Variants in ERAP1 observed in about 807,000 individuals in gnomAD.
The protein encoded by ERAP1 is adipocyte-derived leucine aminopeptidase.
Under a neutral mutation model 103.7 loss-of-function variants are expected in ERAP1, and 86 were observed. That is an observed-to-expected ratio of 0.83 (90% CI 0.70 to 0.99). The LOEUF (loss-of-function observed/expected upper bound fraction) is 0.99, where lower values mean the gene tolerates loss of function less well. ERAP1 is among the 50% of genes least tolerant of loss of function. ERAP1 has a pLI of 0.00. For missense variants in ERAP1, 1,009 were observed against 1,128.4 expected, an observed-to-expected ratio of 0.89 and a Z score of 1.52; for synonymous variants, 398 against 402.4, an observed-to-expected ratio of 0.99 and a Z score of 0.13.
chr5:96,877,650 C>A, the ERAP1 span, among the ~76,000 whole-genome samples: 3 of 152,178 alleles, frequency 2.0e-5, no homozygotes, highest in Non-Finnish European at 4.4e-5. Context: ...CCCATGATCA[C>A]GTAGGTGAGG....
chr5:96,887,824 G>A, the ERAP1 span, among the ~76,000 whole-genome samples: 4 of 152,140 alleles, frequency 2.6e-5, no homozygotes, highest in African/African-American at 9.7e-5. Context: ...ATAAAATAAT[G>A]CTTTTGAAAA....
the ERAP1 span, chr5:96,913,569 C>A: frequency 2.3e-6 from 3 of 1,278,378 alleles, no homozygotes; most frequent in Non-Finnish European, 3.3e-6. Context: ...CATTTGTATC[C>A]AAATAGTTCA....
At chr5:96,909,544 T>C in the ERAP1 span, 10 of 1,561,168 alleles carry the variant, frequency 6.4e-6, no homozygotes, top group Non-Finnish European at 8.8e-6. Context: ...AGGACTAAAT[T>C]TAGCCTCTCT....
chr5:96,928,422 G>T, the ERAP1 span, among the ~76,000 whole-genome samples: 1 of 152,280 alleles, frequency 6.6e-6, no homozygotes, highest in East Asian at 1.9e-4. Context: ...AATTCAATAT[G>T]ACTAGTGTCC....
At chr5:96,922,507 T>C in the ERAP1 span, among the ~76,000 whole-genome samples, 18 of 152,166 alleles carry the variant, frequency 1.2e-4, no homozygotes, top group Admixed American at 6.5e-5. Context: ...TATCTTCAGA[T>C]GTAGAGCCAA....
At chr5:96,763,225 T>A (rs1768630143) in exon 20 of ERAP1, 3 of 780,744 alleles carry the variant, frequency 3.8e-6, no homozygotes, top group Non-Finnish European at 7.2e-6. Flanking sequence ...AGCTTCAGGA[T>A]CATCTGAAAA....
chr5:96,899,283 G>C, the ERAP1 span, among the ~76,000 whole-genome samples: 43 of 152,248 alleles, frequency 2.8e-4, no homozygotes, highest in Admixed American at 2.3e-3. Flanking sequence ...CTAGTTTTAA[G>C]AAAAGTCCCC....
the ERAP1 span, among the ~76,000 whole-genome samples, chr5:96,850,548 C>T: frequency 6.6e-6 from 1 of 152,064 alleles, no homozygotes; most frequent in African/African-American, 2.4e-5. Flanking sequence ...AGTATTACAT[C>T]ACACCTGTTA....
chr5:96,934,304 G>A, the ERAP1 span: 2 of 152,242 alleles, frequency 1.3e-5, no homozygotes, highest in African/African-American at 2.4e-5. Context: ...TATTTTAGAT[G>A]TATGGTCAGA....
chr5:96,919,400 T>C, the ERAP1 span: 1 of 152,356 alleles, frequency 6.6e-6, no homozygotes, highest in Non-Finnish European at 1.5e-5. Flanking sequence ...GAATTACATG[T>C]ATTTTAGCAT....
At position 96,795,733 on chromosome 5, in the gene ERAP1, C is replaced by T. The variant is rs144351666; in HGVS notation, c.799-571G>A. Among the ~76,000 whole-genome samples, 6 of 152,338 alleles carry T rather than the reference C, an allele frequency of 3.9e-5. 1 individual carries two copies. The highest frequency in any genetic ancestry group is 3.9e-4 in the Admixed American group (6 of 15,306). ...CCCTGGACCAGTAAGTACTCCCAGA[C>T]ACTCTGTAAGAGCAAATACAATTTC... On this transcript the variant is annotated intron_variant, in intron 4 of 18. Coordinates refer to ENST00000443439, the MANE Select transcript of ERAP1 (RefSeq NM_001040458.3).
At chr5:96,774,015 C>T (rs1206035077), downstream of ERAP1, 2 of 152,318 alleles carry the variant, frequency 1.3e-5, no homozygotes, top group Admixed American at 6.5e-5. Context: ...TACACACCAC[C>T]AGCTTAAAAT....
chr5:96,901,459 G>A, the ERAP1 span: 1 of 1,588,108 alleles, frequency 6.3e-7, no homozygotes, highest in Non-Finnish European at 8.6e-7. Context: ...CTCTGTCTTT[G>A]GATTGTCTCC....
chr5:96,864,617 A>C, the ERAP1 span, among the ~76,000 whole-genome samples: 1 of 152,210 alleles, frequency 6.6e-6, no homozygotes, highest in Non-Finnish European at 1.5e-5. Flanking sequence ...TAAATTTATA[A>C]TAAATTTAAG....
chr5:96,825,096 T>G, the ERAP1 span, among the ~76,000 whole-genome samples: 1 of 152,208 alleles, frequency 6.6e-6, no homozygotes, highest in East Asian at 1.9e-4. Flanking sequence ...ACTTGGTCAT[T>G]GGTCAGTAAG....
At chr5:96,889,478 A>C in the ERAP1 span, 3 of 764,200 alleles carry the variant, frequency 3.9e-6, no homozygotes, top group Non-Finnish European at 6.9e-6. Context: ...TAAAATATTT[A>C]TGACATGCCC....
chr5:96,824,309 G>A, the ERAP1 span, among the ~76,000 whole-genome samples: 1 of 152,070 alleles, frequency 6.6e-6, no homozygotes. Flanking sequence ...AGCCTGGGTT[G>A]GGAGCTCAGG....
the ERAP1 span, chr5:96,901,546 T>G: frequency 1.9e-6 from 3 of 1,613,976 alleles, no homozygotes; most frequent in Admixed American, 5.0e-5. Flanking sequence ...AAAGAGATGA[T>G]GACTACATGG....
At chr5:96,864,351 A>C in the ERAP1 span, among the ~76,000 whole-genome samples, 1 of 152,234 alleles carries the variant, frequency 6.6e-6, no homozygotes, top group African/African-American at 2.4e-5. Context: ...TTTCCCTTAG[A>C]GAGGCCAACA....
Sources: gnomAD v4.1 joint callset for allele counts (sites outside exome capture counted in the v4.1 genomes callset) on GRCh38, gnomAD v4.1.1 for gene constraint, MANE v1.5 for transcripts, NCBI Gene and HGNC (gene_info 2026-07-23, HGNC 2026-07-21) for gene names.